SPTLC3: variants seen among roughly 807,000 people sequenced by gnomAD.
SPTLC3 encodes the protein serine palmitoyltransferase long chain base subunit 3.
SPTLC3 carries 36 observed loss-of-function variants against 59.3 expected under a neutral mutation model. The ratio of observed to expected loss-of-function variants is 0.61; its 90% CI spans 0.47 to 0.80. SPTLC3 has a LOEUF of 0.80. SPTLC3 is among the 30% of genes least tolerant of loss of function. The pLI, the probability that SPTLC3 is intolerant of heterozygous loss-of-function variation, is 0.00. For missense variants in SPTLC3, 625 were observed against 685.1 expected, an observed-to-expected ratio of 0.91 and a Z score of 0.98; for synonymous variants, 257 against 240.8, an observed-to-expected ratio of 1.07 and a Z score of -0.62.
chr20:13,164,028 A>G (rs2038948167), intron 11 of SPTLC3, among the ~76,000 whole-genome samples: 2 of 152,060 alleles, frequency 1.3e-5, no homozygotes, highest in Non-Finnish European at 2.9e-5. Context: ...AGCATTAGGT[A>G]TATCTCCTAA....
At chr20:13,164,671 G>C (rs750190495) in intron 11 of SPTLC3, 83 bp from the exon 12 acceptor site, 55 of 980,146 alleles carry the variant, frequency 5.6e-5, no homozygotes, top group Non-Finnish European at 8.3e-5. Flanking sequence ...GTGTCTTTGT[G>C]AGGCTTGCTA....
At chr20:13,115,501 C>T (rs1210224422) in intron 7 of SPTLC3, among the ~76,000 whole-genome samples, 2 of 151,442 alleles carry the variant, frequency 1.3e-5, no homozygotes, top group Non-Finnish European at 2.9e-5. Context: ...AAATTCAGTT[C>T]CAGAACAAAA....
chr20:13,154,085 C>T lies in SPTLC3; in HGVS notation c.1362C>T (p.Gly454=). ...AGGAAATGGGATTCATTATCTATGG[C>T]AATGAGAATGCTTCTGTTGTTCCTC... ...RLQEMGFIIY[G]NENASVVPLL... The change falls in exon 10 of 12, where the codon GGC becomes GGT. Residue 454 remains glycine (G), a synonymous_variant. Transcript: ENST00000399002. 6.2e-7 allele frequency: 1 copy of T among 1,614,126 alleles called. No individual in the cohort carries two copies. The highest frequency in any genetic ancestry group is 8.5e-7 in the Non-Finnish European group (1 of 1,179,988).
At chr20:13,072,637 C>T (rs1988487847) in intron 3 of SPTLC3, among the ~76,000 whole-genome samples, 1 of 152,170 alleles carries the variant, frequency 6.6e-6, no homozygotes, top group Non-Finnish European at 1.5e-5. Flanking sequence ...AGACCTGGGT[C>T]AGAAGGTGCA....
intron 9 of SPTLC3, among the ~76,000 whole-genome samples, chr20:13,127,359 G>A (rs6041886): frequency 5.4e-4 from 83 of 152,302 alleles, no homozygotes; most frequent in African/African-American, 1.9e-3. Context: ...GAGGGGATAC[G>A]GTGCTGAATA....
intron 1 of SPTLC3, among the ~76,000 whole-genome samples, chr20:13,041,279 T>G (rs1329360817): frequency 6.6e-6 from 1 of 152,128 alleles, no homozygotes; most frequent in Non-Finnish European, 1.5e-5. Context: ...CTTTATTTTT[T>G]TCCTCTGGTT....
intron 6 of SPTLC3, among the ~76,000 whole-genome samples, chr20:13,094,859 G>A (rs1029195315): frequency 1.3e-5 from 2 of 152,104 alleles, no homozygotes; most frequent in African/African-American, 4.8e-5. Flanking sequence ...CCAAACTATG[G>A]CCCCCTCAGA....
chr20:13,067,885 TTG>T (rs1220289241), intron 2 of SPTLC3, among the ~76,000 whole-genome samples: 2 of 152,222 alleles, frequency 1.3e-5, no homozygotes, highest in Non-Finnish European at 2.9e-5. Flanking sequence ...ATGAATAACA[TTG>T]TGTTTGATAA....
At chr20:13,128,958 C>A (rs1441183525) in intron 9 of SPTLC3, among the ~76,000 whole-genome samples, 1 of 151,002 alleles carries the variant, frequency 6.6e-6, no homozygotes, top group African/African-American at 2.4e-5. Context: ...CTCACTGCAA[C>A]CTCCGCCTCC....
intron 4 of SPTLC3, among the ~76,000 whole-genome samples, chr20:13,089,250 C>T (rs1023942149): frequency 3.3e-5 from 5 of 152,156 alleles, no homozygotes; most frequent in South Asian, 2.1e-4. Flanking sequence ...CTTAAATCTG[C>T]GCAACAGCTC....
intron 6 of SPTLC3, among the ~76,000 whole-genome samples, chr20:13,101,302 GCACTTGTTAA>G (rs1361538744): frequency 2.0e-5 from 3 of 152,168 alleles, no homozygotes; most frequent in Admixed American, 2.0e-4. Context: ...GATGTGCACA[GCACTTGTTAA>G]CACTCTTAAC....
chr20:13,147,106 G>A (rs191781638), intron 9 of SPTLC3, among the ~76,000 whole-genome samples: 8 of 152,150 alleles, frequency 5.3e-5, no homozygotes, highest in Non-Finnish European at 1.2e-4. Flanking sequence ...AGGCCATGCC[G>A]ACGGCTGCCC....
chr20:13,066,794 T>C (rs1409492452), intron 2 of SPTLC3, among the ~76,000 whole-genome samples: 1 of 151,934 alleles, frequency 6.6e-6, no homozygotes, highest in African/African-American at 2.4e-5. Context: ...CCTTTCCTCC[T>C]TAGTCTCCTT....
intron 2 of SPTLC3, 147 bp from the exon 3 acceptor site, chr20:13,072,109 A>C: frequency 1.3e-6 from 1 of 795,438 alleles, no homozygotes; most frequent in Non-Finnish European, 1.9e-6. Flanking sequence ...TCACAGATTT[A>C]CTTCCCTCAC....
chr20:13,148,725 G>A (rs1325079422), intron 9 of SPTLC3, among the ~76,000 whole-genome samples: 1 of 152,196 alleles, frequency 6.6e-6, no homozygotes, highest in African/African-American at 2.4e-5. Context: ...GCTGAACCTT[G>A]TTAAAACCAA....
intron 2 of SPTLC3, among the ~76,000 whole-genome samples, chr20:13,055,607 T>C (rs757586240): frequency 6.6e-6 from 1 of 152,260 alleles, no homozygotes; most frequent in Non-Finnish European, 1.5e-5. Context: ...CCTTTCAGTG[T>C]ATTTGCTCTA....
In SPTLC3 at chr20:13,081,333, A is replaced by T. The variant is rs550909800; in HGVS notation, c.607+6836A>T. Among the ~76,000 whole-genome samples, 47 of 152,334 alleles carry T rather than the reference A, an allele frequency of 3.1e-4. No individual in the cohort carries two copies. In the East Asian group the frequency reaches 8.9e-3, roughly 29 times the overall value. Reference sequence around the variant, plus strand: ...GATGCCCAGCATATTGTTCTTAATCATTAGAGAATTTGTAAAGCCCTCCTC... The same window carrying T: ...GATGCCCAGCATATTGTTCTTAATCTTTAGAGAATTTGTAAAGCCCTCCTC... On this transcript the variant is annotated intron_variant, in intron 4 of 11. Coordinates refer to ENST00000399002, the MANE Select transcript of SPTLC3 (RefSeq NM_018327.4).
chr20:13,020,883 T>C (rs2327446), intron 1 of SPTLC3, among the ~76,000 whole-genome samples: 30,271 of 152,190 alleles, frequency 0.2, 3,628 homozygotes, highest in South Asian at 0.38. Flanking sequence ...ATAGCACATG[T>C]AAGACTCCCA....
chr20:13,093,523 C>T lies in SPTLC3; in HGVS notation c.772C>T (p.Leu258Phe). The change falls in exon 6 of 12, where the codon CTT becomes TTT. Residue 258 changes from leucine to phenylalanine, a missense_variant. Transcript: ENST00000399002. ...ILSDELNHTS[L>F]VLGARLSGAT... ...AAGTGATGAGTTAAACCACACATCG[C>T]TTGTGCTTGGGGCCCGACTCTCAGG... 8 of 1,613,652 alleles carry T rather than the reference C, an allele frequency of 5.0e-6. No homozygotes were observed. Among genetic ancestry groups the T allele is most frequent in the Non-Finnish European group, 5.9e-6 (7 of 1,179,620 alleles).
Sources: allele counts gnomAD v4.1 joint callset (sites outside exome capture counted in the v4.1 genomes callset), GRCh38; gene constraint gnomAD v4.1.1; transcripts MANE v1.5; gene names NCBI Gene and HGNC (gene_info 2026-07-23, HGNC 2026-07-21).